CEP128: variants seen among roughly 807,000 people sequenced by gnomAD.
The protein encoded by CEP128 is centrosomal protein 128, also known as centrosomal protein 128kDa.
CEP128 carries 132 observed loss-of-function variants against 156.7 expected under a neutral mutation model. The ratio of observed to expected loss-of-function variants is 0.84; its 90% CI spans 0.73 to 0.97. The LOEUF (loss-of-function observed/expected upper bound fraction) is 0.97, where lower values mean the gene tolerates loss of function less well. Among genes scored for constraint, CEP128 ranks in the 50% least tolerant of loss-of-function variants. The pLI, the probability that CEP128 is intolerant of heterozygous loss-of-function variation, is 0.00. For synonymous variants in CEP128, 469 were observed against 448.9 expected, an observed-to-expected ratio of 1.04 and a Z score of -0.57; for missense variants, 1,252 against 1,281.9, an observed-to-expected ratio of 0.98 and a Z score of 0.36.
chr14:80,657,594 C>G (rs915421018), intron 19 of CEP128, among the ~76,000 whole-genome samples: 1 of 150,802 alleles, frequency 6.6e-6, no homozygotes, highest in African/African-American at 2.4e-5. Flanking sequence ...GAGGTCATGG[C>G]GAGCAGAAAT....
chr14:80,863,449 G>C (rs73340199), intron 8 of CEP128, among the ~76,000 whole-genome samples: 12,781 of 152,066 alleles, frequency 0.084, 616 homozygotes, highest in African/African-American at 0.12. Context: ...TGTTTAATCA[G>C]GACTCTAAAC....
chr14:80,526,518 G>A (rs1344703989), intron 23 of CEP128, among the ~76,000 whole-genome samples: 1 of 152,050 alleles, frequency 6.6e-6, no homozygotes, highest in Non-Finnish European at 1.5e-5. Context: ...CTTCAGTGTG[G>A]AGAGCAGCTA....
chr14:80,624,455 C>T (rs960134694), intron 19 of CEP128, among the ~76,000 whole-genome samples: 1 of 152,102 alleles, frequency 6.6e-6, no homozygotes, highest in Non-Finnish European at 1.5e-5. Flanking sequence ...AGTGGGATTG[C>T]TTGATTGTAA....
intron 13 of CEP128, among the ~76,000 whole-genome samples, chr14:80,797,575 C>T (rs1883564171): frequency 6.6e-6 from 1 of 152,138 alleles, no homozygotes; most frequent in Non-Finnish European, 1.5e-5. Context: ...GGATCCTATT[C>T]AGCCATTGTT....
In CEP128 at chr14:80,646,595, C is replaced by T. The variant is rs138213249; in HGVS notation, c.2807-66172G>A. Among the ~76,000 whole-genome samples the T allele has an allele frequency of 2.2e-3, 337 of 151,836 alleles. 1 individual carries two copies. Among genetic ancestry groups the T allele is most frequent in the Non-Finnish European group, 2.9e-3 (199 of 67,888 alleles). ...TATACAACATGTATATGTACACAAA[C>T]GTTATACATACTTACAAAATGAGAT... is the stretch of plus-strand genomic sequence containing the variant. On this transcript the variant is annotated intron_variant, in intron 19 of 24. Transcript: ENST00000555265.
intron 19 of CEP128, among the ~76,000 whole-genome samples, chr14:80,710,197 A>C (rs1897352816): frequency 6.6e-6 from 1 of 152,108 alleles, no homozygotes. Context: ...TCCCATTACC[A>C]AAGGGTTTAG....
intron 19 of CEP128, among the ~76,000 whole-genome samples, chr14:80,621,962 G>C (rs1027295077): frequency 6.6e-6 from 1 of 151,984 alleles, no homozygotes; most frequent in Non-Finnish European, 1.5e-5. Flanking sequence ...GTTTGTTTAT[G>C]AGCAGGTATA....
chr14:80,665,423 T>C (rs1342995533), intron 19 of CEP128, among the ~76,000 whole-genome samples: 1 of 152,216 alleles, frequency 6.6e-6, no homozygotes, highest in Admixed American at 6.5e-5. Context: ...CTGGATTTAA[T>C]TGACTATCCC....
chr14:80,636,903 G>A (rs113622464), intron 19 of CEP128, among the ~76,000 whole-genome samples: 11 of 151,934 alleles, frequency 7.2e-5, no homozygotes, highest in Middle Eastern at 3.4e-3. Context: ...CCTGACCAAC[G>A]TGGAGAAACC....
chr14:80,555,699 C>T lies in CEP128; in HGVS notation c.2880+3580G>A, dbSNP rs529661090. Among the ~76,000 whole-genome samples the T allele has an allele frequency of 7.9e-5, 12 of 151,966 alleles. No individual in the cohort carries two copies. The South Asian group carries it at 2.3e-3, about 29-fold the overall frequency. On this transcript the variant is annotated intron_variant, in intron 21 of 24. Transcript: ENST00000555265. The stretch of plus-strand genomic sequence containing the variant: ...CTCCAATATGAAAGGGCTTCTGGGG[C>T]TCTTTCTATCTCACTACTGATTCTT...
chr14:80,928,108 C>T (rs182044739), intron 2 of CEP128, among the ~76,000 whole-genome samples: 9 of 152,136 alleles, frequency 5.9e-5, no homozygotes, highest in Admixed American at 4.6e-4. Flanking sequence ...GGTGGGGCAG[C>T]GGGGAGAAGA....
Position 80,640,799 on chromosome 14 carries a change from C to T in CEP128, c.2807-60376G>A, listed in dbSNP as rs140791167. 8.0e-4 allele frequency among the ~76,000 whole-genome samples: 122 copies of T among 152,254 alleles called. 1 individual carries two copies. The highest frequency in any genetic ancestry group is 2.8e-3 in the African/African-American group (118 of 41,544). ...TTTTGCTGATTTTACGATCAAAATTCCAATAGTTTATTAGAAAACTTGGCC... is the reference window on the plus strand; with the variant it reads ...TTTTGCTGATTTTACGATCAAAATTTCAATAGTTTATTAGAAAACTTGGCC... On this transcript the variant is annotated intron_variant, in intron 19 of 24. Coordinates refer to ENST00000555265, the MANE Select transcript of CEP128 (RefSeq NM_152446.5).
At chr14:80,549,909 C>G (rs1890142375) in intron 21 of CEP128, among the ~76,000 whole-genome samples, 1 of 152,162 alleles carries the variant, frequency 6.6e-6, no homozygotes, top group Non-Finnish European at 1.5e-5. Flanking sequence ...CCAACACAGA[C>G]AGGTGAAGTA....
intron 19 of CEP128, among the ~76,000 whole-genome samples, chr14:80,712,098 A>G (rs1213174413): frequency 6.6e-6 from 1 of 152,150 alleles, no homozygotes; most frequent in Non-Finnish European, 1.5e-5. Flanking sequence ...TTTTAATTTG[A>G]AATTTTAAGA....
intron 14 of CEP128, among the ~76,000 whole-genome samples, chr14:80,484,924 TC>T (rs1329554897): frequency 1.3e-5 from 2 of 152,020 alleles, no homozygotes; most frequent in Non-Finnish European, 2.9e-5. Flanking sequence ...AGAAATACAG[TC>T]CCAAAAGGGA....
At chr14:80,940,515 T>A (rs556911834) in intron 1 of CEP128, among the ~76,000 whole-genome samples, 22 of 127,914 alleles carry the variant, frequency 1.7e-4, no homozygotes, top group Admixed American at 5.0e-4. Context: ...CTTAAAATAT[T>A]TTTTTTTTTA....
chr14:80,815,664 T>C (rs1249558704), intron 13 of CEP128, among the ~76,000 whole-genome samples: 1 of 152,210 alleles, frequency 6.6e-6, no homozygotes, highest in Non-Finnish European at 1.5e-5. Flanking sequence ...AAGGAATCAG[T>C]GTACATGTCC....
chr14:80,756,562 C>T (rs1899669433), intron 18 of CEP128, among the ~76,000 whole-genome samples: 1 of 152,180 alleles, frequency 6.6e-6, no homozygotes, highest in South Asian at 2.1e-4. Flanking sequence ...GCATCATACC[C>T]TCCCTTTCTC....
At position 80,497,412 on chromosome 14, in the gene CEP128, G is replaced by T; in HGVS notation, c.*67C>A. On this transcript the variant is annotated 3_prime_UTR_variant, in exon 25 of 25. Coordinates refer to ENST00000555265, the MANE Select transcript of CEP128 (RefSeq NM_152446.5). The stretch of plus-strand genomic sequence containing the variant: ...TCTGTTAGATAATCTGGGCCAAATT[G>T]CTGTAAGAATAGAGATGTTATTATT... The T allele has an allele frequency of 3.7e-6, 4 of 1,087,072 alleles. No individual in the cohort carries two copies. Among genetic ancestry groups the T allele is most frequent in the Non-Finnish European group, 5.5e-6 (4 of 728,670 alleles). The allele number at this position is 1,087,072 out of a possible 1,614,324, so 67.3% of individuals were successfully genotyped here.
Sources: allele counts gnomAD v4.1 joint callset (sites outside exome capture counted in the v4.1 genomes callset), GRCh38; gene constraint gnomAD v4.1.1; transcripts MANE v1.5; gene names NCBI Gene and HGNC (gene_info 2026-07-23, HGNC 2026-07-21).